Variants in PAICS observed in about 807,000 individuals in gnomAD.
PAICS encodes phosphoribosylaminoimidazole carboxylase and phosphoribosylaminoimidazolesuccinocarboxamide synthase.
A neutral mutation model predicts 53.7 loss-of-function variants in PAICS; 33 were observed. The observed-to-expected ratio is 0.61, with a 90% confidence interval of 0.47 to 0.82. The LOEUF (loss-of-function observed/expected upper bound fraction) is 0.82. Ranked by LOEUF, PAICS falls within the 40% of genes least tolerant of loss-of-function variation. The probability of loss-of-function intolerance (pLI) is 0.00; values close to 1 mark genes in which losing one functional copy is unlikely to be tolerated. For missense variants in PAICS, 394 were observed against 494.1 expected, an observed-to-expected ratio of 0.80 and a Z score of 1.92; for synonymous variants, 141 against 167.2, an observed-to-expected ratio of 0.84 and a Z score of 1.21.
chr4:56,443,413 G>A (rs1718434185), intron 2 of PAICS, among the ~76,000 whole-genome samples: 1 of 151,894 alleles, frequency 6.6e-6, no homozygotes, highest in Non-Finnish European at 1.5e-5. Context: ...GTTTCGAACT[G>A]CTGGCCTTAA....
intron 2 of PAICS, among the ~76,000 whole-genome samples, chr4:56,442,782 AC>A (rs1249576411): frequency 6.6e-6 from 1 of 152,206 alleles, no homozygotes; most frequent in Non-Finnish European, 1.5e-5. Flanking sequence ...CTTAAATTCA[AC>A]AGGGGATTTA....
intron 8 of PAICS, among the ~76,000 whole-genome samples, chr4:56,455,951 T>C (rs1233953661): frequency 6.6e-6 from 1 of 152,204 alleles, no homozygotes; most frequent in Non-Finnish European, 1.5e-5. Flanking sequence ...TTATTTAATT[T>C]TCATACCCCT....
At chr4:56,450,487 G>A in intron 5 of PAICS, 132 bp from the exon 6 acceptor site, 1 of 596,566 alleles carries the variant, frequency 1.7e-6, no homozygotes, top group Non-Finnish European at 3.0e-6. Context: ...AATTCAGGAA[G>A]TGAAAAGATG....
At chr4:56,433,102 A>C (rs771708863), upstream of PAICS, among the ~76,000 whole-genome samples, 29 of 151,764 alleles carry the variant, frequency 1.9e-4, no homozygotes, top group Non-Finnish European at 3.2e-4. Context: ...CCAAGACATA[A>C]GGGAGTGTCA....
chr4:56,428,129 A>T, the PAICS span, among the ~76,000 whole-genome samples: 1 of 152,224 alleles, frequency 6.6e-6, no homozygotes, highest in Admixed American at 6.5e-5. Flanking sequence ...TTTGACTCAT[A>T]TTGAAGTTAT....
intron 1 of PAICS, chr4:56,436,594 A>G (rs967316370): frequency 5.8e-6 from 4 of 691,868 alleles, no homozygotes; most frequent in Non-Finnish European, 1.1e-5. Flanking sequence ...ATCAATAGCT[A>G]TTGCAAAATA....
At position 56,462,448 on chromosome 4, in the gene PAICS, G is replaced by A. The variant is rs1417095780; in HGVS notation, c.*2910G>A. 2.0e-5 allele frequency: 3 copies of A among 152,226 alleles called. No homozygotes were observed. Among genetic ancestry groups the A allele is most frequent in the Non-Finnish European group, 4.4e-5 (3 of 68,036 alleles). The allele number at this position is 152,226 out of a possible 1,614,324, so 9.4% of individuals were successfully genotyped here. On this transcript the variant is annotated 3_prime_UTR_variant, in exon 9 of 9. Coordinates refer to ENST00000512576, the MANE Select transcript of PAICS (RefSeq NM_001079524.2). ...TATTTAAAGGTTCTCTGGCTGTTGT[G>A]TGGACAAGAGGAGAAGCAGAGATTA... is the stretch of plus-strand genomic sequence containing the variant.
At chr4:56,455,310 T>A (rs951768756) in intron 8 of PAICS, among the ~76,000 whole-genome samples, 3 of 152,210 alleles carry the variant, frequency 2.0e-5, no homozygotes, top group African/African-American at 7.2e-5. Context: ...AGTAGGAGAT[T>A]TGCTTTATTA....
In PAICS at chr4:56,451,996, T is replaced by G; in HGVS notation, c.896T>G (p.Val299Gly). 7 of 1,609,582 alleles carry G rather than the reference T, an allele frequency of 4.3e-6. No homozygotes were observed. Among genetic ancestry groups the G allele is most frequent in the Non-Finnish European group, 5.9e-6 (7 of 1,177,688 alleles). The change falls in exon 7 of 9, where the codon GTA becomes GGA. Residue 299 changes from valine to glycine, a missense_variant. Coordinates refer to ENST00000512576, the MANE Select transcript of PAICS (RefSeq NM_001079524.2). ...TTTGGCATTCCATGTGAACTTCGAG[T>G]AACATCTGCGCATAAAGGACCAGAT... ...GNFGIPCELR[V>G]TSAHKGPDET...
At chr4:56,418,376 G>C in the PAICS span, among the ~76,000 whole-genome samples, 1 of 152,126 alleles carries the variant, frequency 6.6e-6, no homozygotes, top group Non-Finnish European at 1.5e-5. Context: ...CTGGAGTGCA[G>C]TGGTGTATTC....
chr4:56,418,783 A>G, the PAICS span, among the ~76,000 whole-genome samples: 2 of 152,244 alleles, frequency 1.3e-5, no homozygotes, highest in African/African-American at 4.8e-5. Flanking sequence ...TGTCAAAATA[A>G]CCAATATAAA....
rs1031427070 is a variant in PAICS, at chr4:56,449,467, C to T, written c.687+644C>T. On this transcript the variant is annotated intron_variant, in intron 5 of 8. Transcript: ENST00000512576. The stretch of plus-strand genomic sequence containing the variant: ...TGTGGAAGACAGTGTGGTGATTCCT[C>T]AAGGATCTAGAACCAGAAATACCAT... Among the ~76,000 whole-genome samples the T allele has an allele frequency of 9.9e-5, 15 of 152,242 alleles. No individual in the cohort carries two copies. The South Asian group carries it at 2.3e-3, about 23-fold the overall frequency.
At chr4:56,423,629 T>C in the PAICS span, among the ~76,000 whole-genome samples, 1 of 151,730 alleles carries the variant, frequency 6.6e-6, no homozygotes, top group Middle Eastern at 3.4e-3. Flanking sequence ...TTTTTACATG[T>C]AGAAGAAAAA....
intron 7 of PAICS, among the ~76,000 whole-genome samples, chr4:56,452,929 G>T (rs1048479403): frequency 1.3e-5 from 2 of 152,136 alleles, no homozygotes; most frequent in Admixed American, 6.5e-5. Flanking sequence ...AATTTTGGGG[G>T]AGTGGGAGGT....
chr4:56,437,362 G>T (rs1718068601), intron 1 of PAICS, among the ~76,000 whole-genome samples: 1 of 150,464 alleles, frequency 6.6e-6, no homozygotes, highest in African/African-American at 2.4e-5. Context: ...AGGCAAAAAA[G>T]TTGCACTATC....
upstream of PAICS, chr4:56,435,338 C>T (rs1241014132): frequency 1.9e-6 from 3 of 1,613,470 alleles, no homozygotes; most frequent in Non-Finnish European, 2.5e-6. Flanking sequence ...CCACCCCCAC[C>T]CTGTTGCTCA....
Position 56,459,823 on chromosome 4 carries a change from A to G in PAICS, c.*285A>G, listed in dbSNP as rs1324501737. On this transcript the variant is annotated 3_prime_UTR_variant, in exon 9 of 9. Transcript: ENST00000512576. ...CTATTGAGTTTCTTCCTTAACACTG[A>G]TTAAATGATCTTAACTCCCTCAGCT... The G allele has an allele frequency of 3.9e-5, 9 of 232,106 alleles. No homozygotes were observed. The highest frequency in any genetic ancestry group is 7.5e-5 in the Non-Finnish European group (9 of 119,862). 14.4% of individuals were successfully genotyped at this position (232,106 alleles called of 1,614,324 possible). A position where few individuals can be genotyped will look rare whatever the true frequency, so the allele number is the denominator to read the frequency against.
upstream of PAICS, chr4:56,435,886 A>C: frequency 6.7e-7 from 1 of 1,481,954 alleles, no homozygotes. Flanking sequence ...TTTAGCCTTC[A>C]TATGCCCTTC....
At chr4:56,436,566 CT>C (rs1717983834) in intron 1 of PAICS, 3 of 703,842 alleles carry the variant, frequency 4.3e-6, no homozygotes, top group Admixed American at 2.0e-5. Context: ...GGAAAGGTGC[CT>C]GGAAGTATTA....
Sources: allele counts gnomAD v4.1 joint callset (sites outside exome capture counted in the v4.1 genomes callset), GRCh38; gene constraint gnomAD v4.1.1; transcripts MANE v1.5; gene names NCBI Gene and HGNC (gene_info 2026-07-23, HGNC 2026-07-21).